The following MEI1 variants were observed in gnomAD, a reference collection of about 807,000 sequenced individuals.
The protein encoded by MEI1 is meiosis inhibitor protein 1.
In MEI1, 103 loss-of-function variants were observed where a neutral mutation model predicts 146.2. The ratio of observed to expected loss-of-function variants is 0.70; its 90% confidence interval spans 0.60 to 0.83. The LOEUF (loss-of-function observed/expected upper bound fraction) is 0.83, where lower values mean the gene tolerates loss of function less well. Among genes scored for constraint, MEI1 ranks in the 40% least tolerant of loss-of-function variants. The pLI, the probability that MEI1 is intolerant of heterozygous loss-of-function variation, is 0.00. For synonymous variants in MEI1, 652 were observed against 628.2 expected, an observed-to-expected ratio of 1.04 and a Z score of -0.57; for missense variants, 1,529 against 1,533.0, an observed-to-expected ratio of 1.00 and a Z score of 0.04.
At chr22:41,703,991 A>G (rs2068898734) in intron 2 of MEI1, among the ~76,000 whole-genome samples, 1 of 152,182 alleles carries the variant, frequency 6.6e-6, no homozygotes, top group South Asian at 2.1e-4. Flanking sequence ...CGTCTCAACA[A>G]AAATAAAAAT....
intron 14 of MEI1, 74 bp from the exon 15 acceptor site, chr22:41,748,033 T>G: frequency 6.4e-5 from 63 of 988,298 alleles, no homozygotes; most frequent in Non-Finnish European, 9.2e-5. Flanking sequence ...AGATTTGATG[T>G]GAGTTTTCTC....
At chr22:41,791,021 A>G (rs557917639) in intron 26 of MEI1, among the ~76,000 whole-genome samples, 51 of 152,168 alleles carry the variant, frequency 3.4e-4, no homozygotes, top group Non-Finnish European at 5.9e-4. Flanking sequence ...CGGCAGGACA[A>G]CAGCATGTAT....
At chr22:41,794,510 G>A (rs1490021646) in intron 28 of MEI1, 33 bp downstream of exon 28, 8 of 1,569,618 alleles carry the variant, frequency 5.1e-6, no homozygotes, top group South Asian at 3.3e-5. Flanking sequence ...GTGGTCTGAG[G>A]AGTGTCATGA....
At chr22:41,720,459 C>G (rs1433620285) in intron 6 of MEI1, among the ~76,000 whole-genome samples, 1 of 152,068 alleles carries the variant, frequency 6.6e-6, no homozygotes, top group Admixed American at 6.6e-5. Flanking sequence ...GAGACAGGGT[C>G]TTGTTCTGTC....
intron 6 of MEI1, 28 bp from the exon 7 acceptor site, chr22:41,723,915 C>G: frequency 6.4e-7 from 1 of 1,571,918 alleles, no homozygotes; most frequent in Non-Finnish European, 8.6e-7. Flanking sequence ...TTCCTCTTGC[C>G]TTACTTCCCA....
intron 3 of MEI1, among the ~76,000 whole-genome samples, chr22:41,706,218 C>A (rs893827762): frequency 6.6e-6 from 1 of 151,982 alleles, no homozygotes; most frequent in African/African-American, 2.4e-5. Flanking sequence ...AGGGACTTAC[C>A]ATATTGACTA....
chr22:41,721,237 CTTTTTTTTTTTTT>C (rs984702207), intron 6 of MEI1, among the ~76,000 whole-genome samples: 14 of 70,484 alleles, frequency 2.0e-4, no homozygotes, highest in Admixed American at 7.3e-4. Context: ...CACGCCCGTT[CTTTTTTTTTTTTT>C]TTTTTTTTTT....
chr22:41,744,487 T>TAAAGGAGCTA lies in MEI1; in HGVS notation c.1447-486_1447-485insAAAGGAGCTA, dbSNP rs1569233115. 1.3e-3 allele frequency among the ~76,000 whole-genome samples: 37 copies of TAAAGGAGCTA among 28,200 alleles called. 1 individual carries two copies. The highest frequency in any genetic ancestry group is 3.3e-3 in the South Asian group (3 of 910). The allele number at this position is 28,200 out of a possible 152,430, so 18.5% of individuals were successfully genotyped here. A position where few individuals can be genotyped will look rare whatever the true frequency, so the allele number is the denominator to read the frequency against. ...ATGCCCAGCTTTGCTATGATTTTTTTTTTTTTTTTTTTTTTTTTTTTTTTT... is the reference window on the plus strand; with the variant it reads ...ATGCCCAGCTTTGCTATGATTTTTTTAAAGGAGCTATTTTTTTTTTTTTTTTTTTTTTTTT... On this transcript the variant is annotated intron_variant, in intron 12 of 30. Transcript: ENST00000401548.
chr22:41,781,523 C>T, intron 23 of MEI1, 129 bp downstream of exon 23: 4 of 1,131,034 alleles, frequency 3.5e-6, no homozygotes, highest in Non-Finnish European at 5.0e-6. Context: ...TCCTTTCTGG[C>T]TCTAATAACC....
intron 14 of MEI1, among the ~76,000 whole-genome samples, chr22:41,746,848 C>T (rs1472423974): frequency 6.6e-6 from 1 of 152,106 alleles, no homozygotes; most frequent in Non-Finnish European, 1.5e-5. Flanking sequence ...TGGTCAGGAA[C>T]CCTGGACTGT....
At chr22:41,782,874 A>G (rs2075815937) in intron 24 of MEI1, among the ~76,000 whole-genome samples, 1 of 152,212 alleles carries the variant, frequency 6.6e-6, no homozygotes, top group African/African-American at 2.4e-5. Flanking sequence ...AGCTACCTCC[A>G]GTGCCCTAAC....
chr22:41,722,467 A>ATT (rs749033326), intron 6 of MEI1, among the ~76,000 whole-genome samples: 53 of 127,610 alleles, frequency 4.2e-4, no homozygotes, highest in African/African-American at 5.0e-4. Context: ...CAGCATTTTA[A>ATT]TTTTTTTTTT....
rs762654573 is a variant in MEI1 at position 41,781,829 on chromosome 22, A to G, written c.3071A>G (p.His1024Arg). 6.2e-7 allele frequency: 1 copy of G among 1,613,970 alleles called. No homozygotes were observed. Among genetic ancestry groups the G allele is most frequent in the Non-Finnish European group, 8.5e-7 (1 of 1,179,892 alleles). Residue 1024 changes from histidine to arginine, a missense_variant, in exon 24 of 31, where the codon CAC (histidine) becomes CGC (arginine). Around this residue, in one of 3 missense-constraint regions of MEI1, gnomAD observed 313 missense variants for 337.3 expected, o/e 0.93. Coordinates refer to ENST00000401548, the MANE Select transcript of MEI1 (RefSeq NM_152513.4). ...LLTASFSAQQ[H>R]KGSLQVHQTL... is the part of the protein sequence containing the mutation. ...ACTGCCTCCTTCTCTGCCCAGCAGC[A>G]CAAGGGCAGTTTGCAGGTTAGTCTT...
At chr22:41,732,174 C>T in intron 9 of MEI1, 71 bp from the exon 10 acceptor site, 3 of 1,246,336 alleles carry the variant, frequency 2.4e-6, no homozygotes, top group South Asian at 1.3e-5. Flanking sequence ...AGCCTGTCAC[C>T]TCTTCTGGGT....
chr22:41,743,958 C>T (rs2147765560), intron 12 of MEI1, among the ~76,000 whole-genome samples: 1 of 152,126 alleles, frequency 6.6e-6, no homozygotes, highest in East Asian at 1.9e-4. Context: ...CTCACTGCAA[C>T]CTCCGCCTCC....
Position 41,699,681 on chromosome 22 carries a change from C to T in MEI1, c.143C>T (p.Ala48Val). ...PVTPRLCLAC[A>V]LELLPDPGVS... ...ACCCCCCGCCTGTGCCTGGCCTGCG[C>T]GCTGGAGCTGCTGCCGGACCCCGGC... Residue 48 changes from alanine (A) to valine (V), a missense_variant, in exon 1 of 31, where the codon GCG becomes GTG. This residue lies in a region of MEI1 where 1,212 missense variants were observed against 1,178.9 expected (regional missense o/e 1.03). Coordinates refer to ENST00000401548, the MANE Select transcript of MEI1 (RefSeq NM_152513.4). 1.9e-6 allele frequency: 3 copies of T among 1,589,646 alleles called. No individual in the cohort carries two copies. The highest frequency in any genetic ancestry group is 2.6e-6 in the Non-Finnish European group (3 of 1,168,620).
chr22:41,794,503 G>T, intron 28 of MEI1, 26 bp downstream of exon 28: 1 of 1,587,484 alleles, frequency 6.3e-7, no homozygotes, highest in Non-Finnish European at 8.7e-7. Flanking sequence ...ATATCTTGTG[G>T]TCTGAGGAGT....
At chr22:41,724,754 A>G (rs1305655342) in intron 7 of MEI1, among the ~76,000 whole-genome samples, 6 of 151,296 alleles carry the variant, frequency 4.0e-5, no homozygotes, top group Admixed American at 3.3e-4. Context: ...TCATGCCACT[A>G]CACTCCAGCC....
intron 3 of MEI1, among the ~76,000 whole-genome samples, chr22:41,709,998 G>A (rs111776341): frequency 0.013 from 2,017 of 151,960 alleles, 46 homozygotes; most frequent in African/African-American, 0.046. Flanking sequence ...ATTTATATGT[G>A]GAAGCCCTAA....
Sources: gnomAD v4.1 joint callset for allele counts (sites outside exome capture counted in the v4.1 genomes callset) on GRCh38, gnomAD v4.1.1 for gene constraint, gnomAD v4.1.1 regional missense constraint, MANE v1.5 for transcripts, NCBI Gene and HGNC (gene_info 2026-07-23, HGNC 2026-07-21) for gene names.